CUX1: variants seen among roughly 807,000 people sequenced by gnomAD.
The protein encoded by CUX1 is cut like homeobox 1.
In CUX1, 31 loss-of-function variants were observed where a neutral mutation model predicts 158.8. The observed-to-expected ratio is 0.20, with a 90% confidence interval of 0.15 to 0.26. The LOEUF (loss-of-function observed/expected upper bound fraction) is 0.26. Ranked by LOEUF, CUX1 falls within the 10% of genes least tolerant of loss-of-function variation. The pLI is 1.00. For synonymous variants in CUX1, 879 were observed against 862.1 expected (o/e 1.02, Z -0.34); for missense variants, 1,589 against 2,014.6 (o/e 0.79, Z 4.04).
At chr7:101,945,918 T>C (rs1808310924) in intron 2 of CUX1, among the ~76,000 whole-genome samples, 1 of 152,102 alleles carries the variant, frequency 6.6e-6, no homozygotes, top group African/African-American at 2.4e-5. Flanking sequence ...GCACAGGGCT[T>C]GGTTTAGGAG....
At chr7:102,013,626 T>G (rs888750990) in intron 2 of CUX1, among the ~76,000 whole-genome samples, 1 of 152,228 alleles carries the variant, frequency 6.6e-6, no homozygotes, top group Non-Finnish European at 1.5e-5. Context: ...ATACAGCGTA[T>G]TTTCTGTGGC....
At chr7:102,243,267 C>G (rs1800420347) in intron 23 of CUX1, among the ~76,000 whole-genome samples, 1 of 152,090 alleles carries the variant, frequency 6.6e-6, no homozygotes, top group South Asian at 2.1e-4. Context: ...CAGCGAGACT[C>G]TGTCTCAAAA....
At chr7:101,954,011 C>A (rs966319224) in intron 2 of CUX1, among the ~76,000 whole-genome samples, 3 of 152,114 alleles carry the variant, frequency 2.0e-5, no homozygotes, top group African/African-American at 7.2e-5. Flanking sequence ...CACAGCAAGA[C>A]CCCCATCTCT....
chr7:102,157,301 T>A (rs1170302660), intron 8 of CUX1, among the ~76,000 whole-genome samples: 4 of 151,836 alleles, frequency 2.6e-5, no homozygotes, highest in Non-Finnish European at 5.9e-5. Context: ...GGCTGTAACA[T>A]TGGCTCCATG....
In CUX1 at chr7:102,253,206, A is replaced by G; in HGVS notation, c.*4164A>G. 3.0e-6 allele frequency: 3 copies of G among 985,452 alleles called. No homozygotes were observed. The highest frequency in any genetic ancestry group is 3.6e-6 in the Non-Finnish European group (3 of 829,956). The allele number at this position is 985,452 out of a possible 1,614,324, so 61.0% of individuals were successfully genotyped here. A position where few individuals can be genotyped will look rare whatever the true frequency, so the allele number is the denominator to read the frequency against. ...CTGCTGGTTGGCGGTCCGGGCCCAG[A>G]GTGCAGCAGAGCTCTGGGTTAAATA... On this transcript the variant is annotated 3_prime_UTR_variant, in exon 24 of 24. Coordinates refer to ENST00000292535, the MANE Select transcript of CUX1 (RefSeq NM_181552.4).
At chr7:101,907,503 C>T (rs145860712) in intron 1 of CUX1, among the ~76,000 whole-genome samples, 3,579 of 152,132 alleles carry the variant, frequency 0.024, 131 homozygotes, top group African/African-American at 0.078. Context: ...TGTACGTCAC[C>T]ACACCCGGCT....
intron 2 of CUX1, among the ~76,000 whole-genome samples, chr7:102,016,548 A>G (rs1818613450): frequency 6.6e-6 from 1 of 152,200 alleles, no homozygotes; most frequent in Non-Finnish European, 1.5e-5. Flanking sequence ...GATACTCCAG[A>G]TTACACTGAG....
exon 23 of CUX1, chr7:102,283,152 C>T: frequency 7.4e-7 from 1 of 1,349,210 alleles, no homozygotes. Flanking sequence ...CTCAGTGCAT[C>T]TAATCACTTA....
At chr7:102,072,456 G>A (rs1160382392) in intron 4 of CUX1, among the ~76,000 whole-genome samples, 1 of 152,198 alleles carries the variant, frequency 6.6e-6, no homozygotes, top group Non-Finnish European at 1.5e-5. Flanking sequence ...CTATGCGAAC[G>A]AAGACTTGGC....
At chr7:101,985,498 G>T (rs978161467) in intron 2 of CUX1, among the ~76,000 whole-genome samples, 5 of 152,226 alleles carry the variant, frequency 3.3e-5, no homozygotes, top group African/African-American at 1.2e-4. Flanking sequence ...ACCATGCCGT[G>T]CTGCAAACTC....
At chr7:102,205,529 C>T (rs1795862374) in intron 20 of CUX1, among the ~76,000 whole-genome samples, 1 of 152,028 alleles carries the variant, frequency 6.6e-6, no homozygotes, top group African/African-American at 2.4e-5. Context: ...CTGGTGGGGT[C>T]ATGTCGGGGG....
intron 1 of CUX1, among the ~76,000 whole-genome samples, chr7:101,851,965 A>C (rs1426387105): frequency 6.6e-6 from 1 of 151,704 alleles, no homozygotes; most frequent in Non-Finnish European, 1.5e-5. Flanking sequence ...AGTAGCTAGG[A>C]CTACAGGTGC....
intron 2 of CUX1, among the ~76,000 whole-genome samples, chr7:101,976,890 TC>T (rs1436875151): frequency 6.9e-6 from 1 of 144,198 alleles, no homozygotes; most frequent in Non-Finnish European, 1.5e-5. Context: ...AATAGTCTTT[TC>T]CCTTTCTGAT....
chr7:102,193,873 G>A lies in CUX1; in HGVS notation c.1108G>A (p.Glu370Lys), dbSNP rs782320090. 64 of 1,613,944 alleles carry A rather than the reference G, an allele frequency of 4.0e-5. No individual in the cohort carries two copies. The highest frequency in any genetic ancestry group is 1.6e-4 in the Middle Eastern group (1 of 6,084). Reference protein sequence around the residue: ...ILKSMEFAPSEGAGTQDAAKP... With the variant: ...ILKSMEFAPSKGAGTQDAAKP... ...GAAGTCCATGGAGTTTGCACCGTCC[G>A]AGGGCGCTGGGACACAGGTACGTGT... The change falls in exon 13 of 24, where the codon GAG becomes AAG. Residue 370 changes from glutamate (E) to lysine (K), a missense_variant. By Grantham distance (56) the Glu-to-Lys change is moderately conservative. Around this residue, in one of 8 missense-constraint regions of CUX1, gnomAD observed 515 missense variants for 574.4 expected, o/e 0.90. Coordinates refer to ENST00000292535, the MANE Select transcript of CUX1 (RefSeq NM_181552.4).
intron 1 of CUX1, among the ~76,000 whole-genome samples, chr7:101,837,520 T>G (rs1794755080): frequency 6.6e-6 from 1 of 152,076 alleles, no homozygotes; most frequent in Non-Finnish European, 1.5e-5. Context: ...TGCCAGTTGT[T>G]CTATCATGTT....
At chr7:102,089,057 G>T (rs1430116810) in intron 4 of CUX1, among the ~76,000 whole-genome samples, 1 of 151,894 alleles carries the variant, frequency 6.6e-6, no homozygotes, top group African/African-American at 2.4e-5. Flanking sequence ...TTTCTGTTTG[G>T]TTTGTTTCTG....
intron 8 of CUX1, among the ~76,000 whole-genome samples, chr7:102,119,904 A>T (rs1349531394): frequency 6.6e-6 from 1 of 152,120 alleles, no homozygotes; most frequent in Non-Finnish European, 1.5e-5. Context: ...CTGTGTACGG[A>T]TCTTCCCGCT....
intron 2 of CUX1, among the ~76,000 whole-genome samples, chr7:101,977,747 G>T (rs1415373292): frequency 6.6e-6 from 1 of 152,120 alleles, no homozygotes; most frequent in South Asian, 2.1e-4. Context: ...CTCTAGCCTG[G>T]GTGACAGAGT....
intron 8 of CUX1, 73 bp from the exon 9 acceptor site, chr7:102,158,486 GA>G: frequency 1.3e-6 from 2 of 1,497,212 alleles, no homozygotes; most frequent in South Asian, 2.3e-5. Context: ...CCTGAGCTAG[GA>G]AGCTGTCCCA....
Sources: gnomAD v4.1 joint callset for allele counts (sites outside exome capture counted in the v4.1 genomes callset) on GRCh38, gnomAD v4.1.1 for gene constraint, gnomAD v4.1.1 regional missense constraint, MANE v1.5 for transcripts, NCBI Gene and HGNC (gene_info 2026-07-23, HGNC 2026-07-21) for gene names.